PAQR5: variants seen among roughly 807,000 people sequenced by gnomAD.
PAQR5 encodes the protein membrane progestin receptor gamma.
PAQR5 carries 20 observed loss-of-function variants against 34.5 expected under a neutral mutation model. The observed-to-expected ratio is 0.58, with a 90% confidence interval of 0.41 to 0.84. The LOEUF (loss-of-function observed/expected upper bound fraction) is 0.84, where lower values mean the gene tolerates loss of function less well. Ranked by LOEUF, PAQR5 falls within the 40% of genes least tolerant of loss-of-function variation. PAQR5 has a pLI of 0.00. For synonymous variants in PAQR5, 131 were observed against 155.6 expected (o/e 0.84, Z 1.18); for missense variants, 378 against 412.7 (o/e 0.92, Z 0.73).
chr15:69,327,156 TTTATTA>T (rs113422954), intron 1 of PAQR5, among the ~76,000 whole-genome samples: 2 of 151,534 alleles, frequency 1.3e-5, no homozygotes, highest in South Asian at 2.1e-4. Flanking sequence ...GGCTAATTTC[TTTATTA>T]TTATTATTAT....
At chr15:69,387,853 G>C (rs928544661) in intron 5 of PAQR5, among the ~76,000 whole-genome samples, 16 of 152,004 alleles carry the variant, frequency 1.1e-4, no homozygotes, top group Non-Finnish European at 1.5e-5. Context: ...GCTGCACCAC[G>C]GGAGCCTCAG....
At chr15:69,338,186 G>A (rs1363066935) in intron 2 of PAQR5, among the ~76,000 whole-genome samples, 7 of 152,202 alleles carry the variant, frequency 4.6e-5, no homozygotes, top group Non-Finnish European at 8.8e-5. Flanking sequence ...TGGACAAGAA[G>A]CCCCTCCTAA....
chr15:69,333,790 C>T (rs2054446922), intron 1 of PAQR5, among the ~76,000 whole-genome samples: 1 of 152,064 alleles, frequency 6.6e-6, no homozygotes, highest in Non-Finnish European at 1.5e-5. Flanking sequence ...AGGGCTCCAC[C>T]CTAAAGCCAG....
intron 1 of PAQR5, among the ~76,000 whole-genome samples, chr15:69,311,563 C>A (rs1486168112): frequency 6.6e-6 from 1 of 152,212 alleles, no homozygotes; most frequent in African/African-American, 2.4e-5. Context: ...ATGCACCCTG[C>A]CAATCTTTCC....
At chr15:69,303,497 G>C (rs1566988402) in intron 1 of PAQR5, among the ~76,000 whole-genome samples, 1 of 151,910 alleles carries the variant, frequency 6.6e-6, no homozygotes, top group Non-Finnish European at 1.5e-5. Flanking sequence ...CTCTGCTAGT[G>C]AGTTCTCTCT....
intron 3 of PAQR5, chr15:69,379,515 G>A (rs11856051): frequency 0.94 from 927,864 of 985,284 alleles, 438,711 homozygotes; most frequent in South Asian, 0.96. Context: ...GACAGCATCT[G>A]TGTCAGCTCA....
intron 4 of PAQR5, chr15:69,382,774 GACCATATATATA>G (rs1291668383): frequency 7.7e-5 from 7 of 91,398 alleles, no homozygotes; most frequent in African/African-American, 3.3e-4. Flanking sequence ...ATATATATGT[GACCATATATATA>G]TATATATATA....
chr15:69,393,687 C>T (rs2056333592), intron 6 of PAQR5, among the ~76,000 whole-genome samples: 1 of 152,156 alleles, frequency 6.6e-6, no homozygotes, highest in African/African-American at 2.4e-5. Flanking sequence ...AGGGGAAGAC[C>T]TCCTGGGGGA....
chr15:69,369,831 C>T (rs1295436994), intron 3 of PAQR5, among the ~76,000 whole-genome samples: 1 of 151,778 alleles, frequency 6.6e-6, no homozygotes, highest in Admixed American at 6.6e-5. Context: ...TCTTTAGACT[C>T]CTAGCTTTAT....
In PAQR5 at chr15:69,385,892, T is replaced by C. The variant is rs943091472; in HGVS notation, c.385+1010T>C. 4.7e-5 allele frequency among the ~76,000 whole-genome samples: 7 copies of C among 148,446 alleles called. No homozygotes were observed. The highest frequency in any genetic ancestry group is 6.7e-5 in the Admixed American group (1 of 14,878). On this transcript the variant is annotated intron_variant, in intron 5 of 8. Transcript: ENST00000395407. This position sits in a 1 kb window ranked among gnomAD's most constrained non-coding sequence, Gnocchi z 4.7. ...ACCACATGCCACATGTACTCACACATTGACACACACACAATACACTCACAT... is the reference window on the plus strand; with the variant it reads ...ACCACATGCCACATGTACTCACACACTGACACACACACAATACACTCACAT...
At chr15:69,394,485 C>T (rs2056359427) in intron 6 of PAQR5, among the ~76,000 whole-genome samples, 1 of 152,224 alleles carries the variant, frequency 6.6e-6, no homozygotes, top group Admixed American at 6.5e-5. Context: ...TGCGCCTCTG[C>T]AATAGAATGA....
intron 1 of PAQR5, among the ~76,000 whole-genome samples, chr15:69,331,083 G>A (rs766335135): frequency 3.3e-5 from 5 of 152,196 alleles, no homozygotes; most frequent in African/African-American, 9.6e-5. Flanking sequence ...CTGGGGCGAC[G>A]TTCCTTAACT....
At chr15:69,359,937 C>T (rs2055189085) in intron 2 of PAQR5, 29 bp from the exon 3 acceptor site, 1 of 660,518 alleles carries the variant, frequency 1.5e-6, no homozygotes, top group Non-Finnish European at 2.7e-6. Context: ...CTGAAACTGA[C>T]TGGATTTCTT....
chr15:69,384,308 G>A (rs532640504), intron 4 of PAQR5, among the ~76,000 whole-genome samples: 3 of 142,212 alleles, frequency 2.1e-5, no homozygotes, highest in Admixed American at 6.9e-5. Flanking sequence ...TGGGCCCTCC[G>A]TGGGTGAGTG....
At chr15:69,320,330 G>A (rs2054064249) in intron 1 of PAQR5, among the ~76,000 whole-genome samples, 13 of 152,198 alleles carry the variant, frequency 8.5e-5, no homozygotes, top group Admixed American at 8.5e-4. Flanking sequence ...CACTGACGTG[G>A]GTCCCCTTCC....
intron 2 of PAQR5, among the ~76,000 whole-genome samples, chr15:69,337,776 A>T (rs1457885250): frequency 6.6e-6 from 1 of 152,214 alleles, no homozygotes; most frequent in Non-Finnish European, 1.5e-5. Context: ...GTAAACTGTA[A>T]ATCAGTTCTA....
chr15:69,338,088 A>G (rs2038180732), intron 2 of PAQR5, among the ~76,000 whole-genome samples: 1 of 152,016 alleles, frequency 6.6e-6, no homozygotes, highest in South Asian at 2.1e-4. Context: ...AAACAAACAA[A>G]CAAACAAAAA....
At chr15:69,401,713 T>A (rs1465905042) in intron 8 of PAQR5, among the ~76,000 whole-genome samples, 1 of 152,228 alleles carries the variant, frequency 6.6e-6, no homozygotes, top group East Asian at 1.9e-4. Flanking sequence ...GACAGATCAT[T>A]AACAAGATTT....
At chr15:69,386,624 C>T (rs1391783102) in intron 5 of PAQR5, among the ~76,000 whole-genome samples, 5 of 144,490 alleles carry the variant, frequency 3.5e-5, no homozygotes, top group African/African-American at 1.3e-4. Context: ...CCCTCCATGT[C>T]CCCCCTCCCC....
Sources: allele counts gnomAD v4.1 joint callset (sites outside exome capture counted in the v4.1 genomes callset), GRCh38; gene constraint gnomAD v4.1.1; non-coding constraint Gnocchi (gnomAD v3.1); transcripts MANE v1.5; gene names NCBI Gene and HGNC (gene_info 2026-07-23, HGNC 2026-07-21).